The following LINGO2 variants were observed in gnomAD, a reference collection of about 807,000 sequenced individuals.
LINGO2 encodes leucine rich repeat and Ig domain containing 2.
LINGO2 carries 14 observed loss-of-function variants against 30.6 expected under a neutral mutation model. The observed-to-expected ratio is 0.46, with a 90% CI of 0.30 to 0.72. The LOEUF is 0.72. Among genes scored for constraint, LINGO2 ranks in the 30% least tolerant of loss-of-function variants. The pLI is 0.07. For synonymous variants in LINGO2, 317 were observed against 288.5 expected, an observed-to-expected ratio of 1.10 and a Z score of -1.00; for missense variants, 729 against 751.7, an observed-to-expected ratio of 0.97 and a Z score of 0.35.
At chr9:28,736,778 G>A in the LINGO2 span, among the ~76,000 whole-genome samples, 6 of 152,116 alleles carry the variant, frequency 3.9e-5, no homozygotes, top group South Asian at 1.0e-3. Context: ...CAACAAGAGC[G>A]AAACTCTATC....
chr9:28,396,876 G>C (rs576365229), intron 2 of LINGO2, among the ~76,000 whole-genome samples: 1 of 151,970 alleles, frequency 6.6e-6, no homozygotes, highest in Non-Finnish European at 1.5e-5. Context: ...AAAAAGTTGA[G>C]GAGTGGGAGG....
intron 2 of LINGO2, among the ~76,000 whole-genome samples, chr9:28,459,062 T>C (rs572640280): frequency 1.3e-5 from 2 of 152,066 alleles, no homozygotes; most frequent in Non-Finnish European, 2.9e-5. Context: ...TCAATGAATG[T>C]ATGTATATAC....
chr9:27,965,435 A>C (rs10812709), intron 5 of LINGO2, among the ~76,000 whole-genome samples: 7,077 of 151,404 alleles, frequency 0.047, 451 homozygotes, highest in East Asian at 0.18. Context: ...AAAAAAAAAA[A>C]CCCACACAAT....
At chr9:28,389,771 A>C (rs1323767676) in intron 2 of LINGO2, among the ~76,000 whole-genome samples, 2 of 152,242 alleles carry the variant, frequency 1.3e-5, no homozygotes, top group African/African-American at 4.8e-5. Flanking sequence ...ACTATTTTGC[A>C]TTCAACAGAC....
chr9:29,176,995 C>T, the LINGO2 span, among the ~76,000 whole-genome samples: 1 of 152,146 alleles, frequency 6.6e-6, no homozygotes, highest in East Asian at 1.9e-4. Context: ...CAAAGTCTAC[C>T]TCTGACTCAG....
intron 1 of LINGO2, chr9:28,599,382 C>T (rs1457468016): frequency 6.6e-6 from 1 of 152,040 alleles, no homozygotes; most frequent in East Asian, 1.9e-4. Context: ...AAAACATACC[C>T]ATAAATGAGT....
chr9:28,607,017 T>A (rs1210738854), intron 1 of LINGO2, among the ~76,000 whole-genome samples: 15 of 152,068 alleles, frequency 9.9e-5, no homozygotes, highest in Non-Finnish European at 2.2e-4. Context: ...GCAAATCAAT[T>A]GAAACATTCA....
At chr9:28,768,841 T>C in the LINGO2 span, among the ~76,000 whole-genome samples, 2 of 152,154 alleles carry the variant, frequency 1.3e-5, no homozygotes, top group Non-Finnish European at 2.9e-5. Flanking sequence ...TATGACAGAA[T>C]TGGAACATCC....
At chr9:28,851,870 TCAAA>T in the LINGO2 span, among the ~76,000 whole-genome samples, 15,723 of 151,708 alleles carry the variant, frequency 0.1, 925 homozygotes, top group African/African-American at 0.17. Context: ...ATAATTTTAG[TCAAA>T]CAAATGTATG....
the LINGO2 span, among the ~76,000 whole-genome samples, chr9:29,096,892 G>C: frequency 7.2e-6 from 1 of 138,348 alleles, no homozygotes; most frequent in Non-Finnish European, 1.6e-5. Context: ...ACTGATTTTA[G>C]TTTTTTTATG....
At chr9:28,371,403 G>A (rs574432372) in intron 3 of LINGO2, among the ~76,000 whole-genome samples, 2 of 152,316 alleles carry the variant, frequency 1.3e-5, no homozygotes, top group East Asian at 1.9e-4. Context: ...CAGGAGTACT[G>A]TATGTTGAAA....
chr9:28,722,521 A>C, the LINGO2 span, among the ~76,000 whole-genome samples: 1 of 152,098 alleles, frequency 6.6e-6, no homozygotes, highest in Admixed American at 6.6e-5. Flanking sequence ...ATTTCTTTTT[A>C]CTAAGTGACT....
the LINGO2 span, among the ~76,000 whole-genome samples, chr9:28,876,860 CCCA>C: frequency 6.6e-6 from 1 of 152,002 alleles, no homozygotes; most frequent in Non-Finnish European, 1.5e-5. Context: ...AGTTTGCAGT[CCCA>C]CCAACAGTGT....
chr9:28,108,303 T>C (rs1826659753), intron 4 of LINGO2, among the ~76,000 whole-genome samples: 1 of 152,122 alleles, frequency 6.6e-6, no homozygotes, highest in South Asian at 2.1e-4. Flanking sequence ...GCTAACTCTT[T>C]CTTCTCAGAT....
chr9:29,041,500 A>G, the LINGO2 span, among the ~76,000 whole-genome samples: 2 of 152,060 alleles, frequency 1.3e-5, no homozygotes, highest in Non-Finnish European at 2.9e-5. Context: ...TTATACATCA[A>G]TGCAACATAG....
intron 2 of LINGO2, among the ~76,000 whole-genome samples, chr9:28,390,497 C>A (rs1162366261): frequency 6.6e-6 from 1 of 151,954 alleles, no homozygotes; most frequent in African/African-American, 2.4e-5. Flanking sequence ...TGAACATCTT[C>A]CATTGTTCTC....
At chr9:28,633,387 C>CCCTA (rs1482036161) in intron 1 of LINGO2, among the ~76,000 whole-genome samples, 2 of 151,954 alleles carry the variant, frequency 1.3e-5, no homozygotes, top group Non-Finnish European at 2.9e-5. Flanking sequence ...AAGTGTAAAG[C>CCCTA]CCTAGCTCCA....
At chr9:29,146,651 T>C in the LINGO2 span, among the ~76,000 whole-genome samples, 21 of 152,284 alleles carry the variant, frequency 1.4e-4, no homozygotes, top group African/African-American at 4.6e-4. Flanking sequence ...GGGAAAGGAA[T>C]ATATTTGTTT....
In LINGO2 at chr9:27,990,443, T is replaced by C. The variant is rs1053002063; in HGVS notation, c.-36+21912A>G. ...TGAGCTTCAGTATCTGCAAAAAGCA[T>C]CACTTCAGTGGTCTCAATACCCCCC... On this transcript the variant is annotated intron_variant, in intron 5 of 5. Coordinates refer to ENST00000379992, the Ensembl canonical transcript of LINGO2. Among the ~76,000 whole-genome samples the C allele has an allele frequency of 4.2e-5, 6 of 142,732 alleles. No homozygotes were observed. The Admixed American group carries it at 4.4e-4, about 11-fold the overall frequency. 93.6% of individuals were successfully genotyped at this position (142,732 alleles called of 152,430 possible).
Sources: gnomAD v4.1 joint callset for allele counts (sites outside exome capture counted in the v4.1 genomes callset) on GRCh38, gnomAD v4.1.1 for gene constraint, MANE v1.5 for transcripts, NCBI Gene and HGNC (gene_info 2026-07-23, HGNC 2026-07-21) for gene names.